The following ADCK1 variants were observed in gnomAD, a reference collection of about 807,000 sequenced individuals.
ADCK1 encodes aarF domain-containing protein kinase 1.
Under a neutral mutation model 52.3 loss-of-function variants are expected in ADCK1, and 41 were observed. That is an observed-to-expected ratio of 0.78 (90% CI 0.61 to 1.02). The LOEUF is 1.02. ADCK1 is among the 50% of genes least tolerant of loss of function. The probability of loss-of-function intolerance (pLI) is 0.00; values close to 1 mark genes in which losing one functional copy is unlikely to be tolerated. For synonymous variants in ADCK1, 250 were observed against 274.6 expected, an observed-to-expected ratio of 0.91 and a Z score of 0.89; for missense variants, 658 against 679.5, an observed-to-expected ratio of 0.97 and a Z score of 0.35.
chr14:77,909,171 T>C (rs917179797), intron 7 of ADCK1, among the ~76,000 whole-genome samples: 1 of 150,224 alleles, frequency 6.7e-6, no homozygotes, highest in African/African-American at 2.5e-5. Flanking sequence ...GTTTTGCTCT[T>C]GTTGCCTAGG....
At chr14:77,859,709 A>G (rs1328647190) in intron 4 of ADCK1, among the ~76,000 whole-genome samples, 2 of 152,212 alleles carry the variant, frequency 1.3e-5, no homozygotes, top group Non-Finnish European at 2.9e-5. Context: ...GACCTTGCAC[A>G]AATGATTGAT....
chr14:77,907,548 G>A (rs1037242786), intron 6 of ADCK1, among the ~76,000 whole-genome samples: 2 of 152,234 alleles, frequency 1.3e-5, no homozygotes, highest in Non-Finnish European at 1.5e-5. Flanking sequence ...AACAGCATTA[G>A]AAGGCACTGA....
intron 7 of ADCK1, among the ~76,000 whole-genome samples, chr14:77,910,881 CCAGTGGTCTGTGCAGAG>C (rs1213662801): frequency 6.6e-6 from 1 of 152,164 alleles, no homozygotes; most frequent in Admixed American, 6.5e-5. Flanking sequence ...GTAGATAAAG[CCAGTGGTCTGTGCAGAG>C]CAGATCCTTG....
chr14:77,842,503 CCTTCCTTCCTT>C (rs1285926477), intron 3 of ADCK1, among the ~76,000 whole-genome samples: 44 of 134,398 alleles, frequency 3.3e-4, no homozygotes, highest in African/African-American at 1.1e-3. Context: ...TTCCTTCCTT[CCTTCCTTCCTT>C]CATTTCCTCC....
intron 1 of ADCK1, among the ~76,000 whole-genome samples, chr14:77,805,145 G>A (rs2081192577): frequency 6.9e-6 from 1 of 144,788 alleles, no homozygotes; most frequent in African/African-American, 2.6e-5. Flanking sequence ...GGCGGAGGTT[G>A]TGGTGAGCCG....
chr14:77,917,096 A>G (rs1412761085), intron 7 of ADCK1, among the ~76,000 whole-genome samples: 1 of 152,170 alleles, frequency 6.6e-6, no homozygotes, highest in East Asian at 1.9e-4. Context: ...ATGGTGGCAC[A>G]TGCATGTAAT....
chr14:77,801,275 G>A (rs977319608), intron 1 of ADCK1, among the ~76,000 whole-genome samples: 2 of 152,082 alleles, frequency 1.3e-5, no homozygotes, highest in Non-Finnish European at 2.9e-5. Context: ...TGTTGGTCTG[G>A]GGACCATACG....
chr14:77,802,878 C>G (rs1018022842), intron 1 of ADCK1, among the ~76,000 whole-genome samples: 1 of 151,842 alleles, frequency 6.6e-6, no homozygotes, highest in Non-Finnish European at 1.5e-5. Flanking sequence ...GGCTGGAACC[C>G]GGGAGGCGGA....
At position 77,887,220 on chromosome 14, in the gene ADCK1, C is replaced by T. The variant is rs1479461067; in HGVS notation, c.553C>T (p.Gln185Ter). Reference protein sequence around the residue: ...VKVQHPKVRAQSSKDILLMEV... With the variant: ...VKVQHPKVRA ...GGTCCAGCACCCAAAGGTGCGGGCTCAGAGCTCGAAGGACATTCTCCTGAT... is the reference window on the plus strand; with the variant it reads ...GGTCCAGCACCCAAAGGTGCGGGCTTAGAGCTCGAAGGACATTCTCCTGAT... The change falls in exon 5 of 11, where the codon CAG (glutamine) becomes TAG (stop). Residue 185 changes from glutamine (Q) to a stop codon, truncating the protein, a stop_gained. Transcript: ENST00000238561. LOFTEE classifies it high-confidence loss of function. 6.3e-7 allele frequency: 1 copy of T among 1,599,964 alleles called. No individual in the cohort carries two copies. Among genetic ancestry groups the T allele is most frequent in the Non-Finnish European group, 8.5e-7 (1 of 1,172,928 alleles).
rs750837141 is a variant in ADCK1, at chr14:77,933,428, C to G, written c.*37C>G. 1.9e-6 allele frequency: 3 copies of G among 1,607,128 alleles called. No homozygotes were observed. The highest frequency in any genetic ancestry group is 2.6e-6 in the Non-Finnish European group (3 of 1,175,016). ...CTCCCTGCCCCATTCTGGTGTCTTT[C>G]CACTCCTCAGCCCCTCATCTTGCCT... is the stretch of plus-strand genomic sequence containing the variant. On this transcript the variant is annotated 3_prime_UTR_variant, in exon 11 of 11. Coordinates refer to ENST00000238561, the MANE Select transcript of ADCK1 (RefSeq NM_020421.4).
intron 3 of ADCK1, among the ~76,000 whole-genome samples, chr14:77,845,065 G>A (rs1017169788): frequency 4.6e-5 from 7 of 152,228 alleles, no homozygotes; most frequent in Non-Finnish European, 1.0e-4. Context: ...AAGCTGAGAT[G>A]ATTTGTTCAG....
intron 1 of ADCK1, among the ~76,000 whole-genome samples, chr14:77,802,816 T>TG (rs879733417): frequency 2.6e-5 from 4 of 151,616 alleles, no homozygotes; most frequent in Non-Finnish European, 5.9e-5. Flanking sequence ...TAGCTGGGCG[T>TG]GGTGCCGGGT....
chr14:77,836,773 CT>C (rs56672313), intron 3 of ADCK1, among the ~76,000 whole-genome samples: 854 of 41,738 alleles, frequency 0.02, 11 homozygotes, highest in African/African-American at 0.055. Context: ...TTCTTTCTTT[CT>C]TTTTTTTTTT....
intron 4 of ADCK1, among the ~76,000 whole-genome samples, chr14:77,859,745 T>C (rs2082503216): frequency 6.6e-6 from 1 of 152,180 alleles, no homozygotes; most frequent in Admixed American, 6.5e-5. Context: ...TCCTTATCTA[T>C]AGCCCACCAC....
chr14:77,886,932 A>ATG (rs1566701956), intron 4 of ADCK1, among the ~76,000 whole-genome samples, 159 bp from the exon 5 acceptor site: 3 of 145,870 alleles, frequency 2.1e-5, no homozygotes, highest in African/African-American at 5.1e-5. Context: ...ACACACACAC[A>ATG]CACACACACG....
chr14:77,913,340 G>A (rs1049660274), intron 7 of ADCK1, among the ~76,000 whole-genome samples: 2 of 152,184 alleles, frequency 1.3e-5, no homozygotes, highest in South Asian at 2.1e-4. Flanking sequence ...GCACCTCCAG[G>A]CCCGAGACAG....
intron 3 of ADCK1, among the ~76,000 whole-genome samples, chr14:77,848,121 T>A (rs543215921): frequency 1.3e-5 from 2 of 152,324 alleles, no homozygotes; most frequent in East Asian, 3.9e-4. Flanking sequence ...ACCAGGCTGG[T>A]CTCGAACTCC....
intron 1 of ADCK1, among the ~76,000 whole-genome samples, chr14:77,816,371 G>A (rs1388936480): frequency 2.0e-5 from 3 of 152,024 alleles, no homozygotes; most frequent in African/African-American, 7.3e-5. Flanking sequence ...TCTCTTTCCT[G>A]CCCTCCTCTC....
intron 3 of ADCK1, among the ~76,000 whole-genome samples, chr14:77,855,217 T>C (rs1317030614): frequency 2.0e-5 from 3 of 152,242 alleles, no homozygotes. Context: ...ATCATTTCTG[T>C]GTTTGTGTGT....
Sources: allele counts gnomAD v4.1 joint callset (sites outside exome capture counted in the v4.1 genomes callset), GRCh38; gene constraint gnomAD v4.1.1; transcripts MANE v1.5; gene names NCBI Gene and HGNC (gene_info 2026-07-23, HGNC 2026-07-21).